USP12: variants seen among roughly 807,000 people sequenced by gnomAD.
USP12 encodes the protein ubiquitin specific peptidase 12, also known as ubiquitin carboxyl-terminal hydrolase 12.
In USP12, 19 loss-of-function variants were observed where a neutral mutation model predicts 45.5. The ratio of observed to expected loss-of-function variants is 0.42; its 90% CI spans 0.29 to 0.61. The LOEUF (loss-of-function observed/expected upper bound fraction) is 0.61. Among genes scored for constraint, USP12 ranks in the 20% least tolerant of loss-of-function variants. The probability of loss-of-function intolerance (pLI) is 0.22; values close to 1 mark genes in which losing one functional copy is unlikely to be tolerated. For missense variants in USP12, 242 were observed against 447.7 expected (o/e 0.54, Z 4.15); for synonymous variants, 149 against 148.8 (o/e 1.00, Z -0.01).
chr13:27,106,626 C>T (rs924543334), intron 2 of USP12, among the ~76,000 whole-genome samples: 1 of 151,796 alleles, frequency 6.6e-6, no homozygotes, highest in Non-Finnish European at 1.5e-5. Context: ...CAAGTATATA[C>T]AGTATTAGGT....
intron 7 of USP12, among the ~76,000 whole-genome samples, chr13:27,072,679 C>T (rs571233387): frequency 2.4e-4 from 36 of 152,264 alleles, no homozygotes; most frequent in African/African-American, 8.4e-4. Context: ...AGACCTCATC[C>T]AGCAAGACAG....
chr13:27,127,789 C>A (rs1215328362), intron 1 of USP12, among the ~76,000 whole-genome samples: 1 of 152,130 alleles, frequency 6.6e-6, no homozygotes, highest in Non-Finnish European at 1.5e-5. Flanking sequence ...CAGAAAAAAT[C>A]CAATTCTATG....
chr13:27,101,619 A>G (rs1874864184), intron 3 of USP12, among the ~76,000 whole-genome samples: 1 of 152,152 alleles, frequency 6.6e-6, no homozygotes, highest in Admixed American at 6.5e-5. Flanking sequence ...ATGATTATAA[A>G]CTACTATAGT....
At chr13:27,117,329 A>G (rs934608486) in intron 1 of USP12, among the ~76,000 whole-genome samples, 5 of 152,226 alleles carry the variant, frequency 3.3e-5, no homozygotes, top group Non-Finnish European at 7.3e-5. Context: ...CTGTGAAACT[A>G]AATATAAATA....
At chr13:27,075,080 G>C in intron 7 of USP12, 111 bp downstream of exon 7, 1 of 947,480 alleles carries the variant, frequency 1.1e-6, no homozygotes, top group South Asian at 2.7e-5. Context: ...TATCTTGAGA[G>C]AATACAGAAT....
At chr13:27,171,436 G>A (rs1409829899) in intron 1 of USP12, among the ~76,000 whole-genome samples, 156 bp downstream of exon 1, 1 of 141,734 alleles carries the variant, frequency 7.1e-6, no homozygotes, top group Non-Finnish European at 1.5e-5. Context: ...CCTGCGCGCC[G>A]TCCAACCGCC....
intron 3 of USP12, among the ~76,000 whole-genome samples, chr13:27,102,639 T>G (rs751567783): frequency 1.3e-5 from 2 of 152,256 alleles, no homozygotes; most frequent in Admixed American, 6.5e-5. Context: ...TGTCTTCAAA[T>G]TTCTGATCTA....
intron 7 of USP12, among the ~76,000 whole-genome samples, chr13:27,072,893 A>T (rs4771069): frequency 0.26 from 40,084 of 152,134 alleles, 6,025 homozygotes; most frequent in Non-Finnish European, 0.34. Context: ...ATATGAAGCA[A>T]ATCTACAAAT....
At chr13:27,086,191 A>ATAT (rs1555233222) in intron 6 of USP12, among the ~76,000 whole-genome samples, 805 of 72,256 alleles carry the variant, frequency 0.011, 2 homozygotes, top group Non-Finnish European at 0.013. Context: ...AAAAAAAAAA[A>ATAT]AAAAAAATAT....
chr13:27,142,409 A>G (rs1212880353), intron 1 of USP12, among the ~76,000 whole-genome samples: 1 of 152,232 alleles, frequency 6.6e-6, no homozygotes, highest in Non-Finnish European at 1.5e-5. Context: ...CATTACTGAG[A>G]TAACTGATTA....
intron 3 of USP12, among the ~76,000 whole-genome samples, chr13:27,102,857 C>T (rs1874938247): frequency 6.6e-6 from 1 of 152,186 alleles, no homozygotes; most frequent in African/African-American, 2.4e-5. Flanking sequence ...TGGCACACAA[C>T]AGGAAATATA....
chr13:27,123,573 C>G (rs1876095938), intron 1 of USP12, among the ~76,000 whole-genome samples: 2 of 152,158 alleles, frequency 1.3e-5, no homozygotes, highest in Admixed American at 6.5e-5. Context: ...GGCAGAGACC[C>G]AGTAGGAGGT....
In USP12 at chr13:27,141,802, G is replaced by A. The variant is rs117337472; in HGVS notation, c.49-25206C>T. Among the ~76,000 whole-genome samples the A allele has an allele frequency of 1.4e-4, 21 of 152,232 alleles. No homozygotes were observed. In the East Asian group the frequency reaches 3.7e-3, roughly 27 times the overall value. On this transcript the variant is annotated intron_variant, in intron 1 of 8. Coordinates refer to ENST00000282344, the MANE Select transcript of USP12 (RefSeq NM_182488.4). ...AATTTGAAAATCTGAACTCCAAAAT[G>A]TTCCAAAATCTGACTTTTTGAGTGC...
intron 1 of USP12, among the ~76,000 whole-genome samples, chr13:27,148,691 TAATATA>T (rs1877425517): frequency 7.2e-6 from 1 of 138,274 alleles, no homozygotes; most frequent in South Asian, 2.4e-4. Context: ...TATATATATA[TAATATA>T]AATAATAATA....
chr13:27,154,775 G>C (rs1877738007), intron 1 of USP12, among the ~76,000 whole-genome samples: 1 of 152,182 alleles, frequency 6.6e-6, no homozygotes, highest in Non-Finnish European at 1.5e-5. Context: ...AAACGACCTT[G>C]AGAGAGTATC....
chr13:27,123,723 T>C (rs1565996592), intron 1 of USP12, among the ~76,000 whole-genome samples: 1 of 152,254 alleles, frequency 6.6e-6, no homozygotes, highest in Non-Finnish European at 1.5e-5. Flanking sequence ...CCTTTGCTGA[T>C]CTTCTGCATT....
At chr13:27,150,615 A>C (rs1470304545) in intron 1 of USP12, among the ~76,000 whole-genome samples, 5 of 152,222 alleles carry the variant, frequency 3.3e-5, no homozygotes, top group Non-Finnish European at 7.3e-5. Context: ...GGTCGGACCC[A>C]GTGGCTCACC....
At chr13:27,170,340 A>C in intron 1 of USP12, 1 of 398,598 alleles carries the variant, frequency 2.5e-6, no homozygotes, top group Non-Finnish European at 4.4e-6. Context: ...CTTAAAGAAA[A>C]ATATATACAA....
chr13:27,099,441 C>T (rs932201093), intron 3 of USP12, among the ~76,000 whole-genome samples: 1 of 152,074 alleles, frequency 6.6e-6, no homozygotes, highest in African/African-American at 2.4e-5. Flanking sequence ...CTGTCTATTG[C>T]ATATTCTTCA....
Sources: allele counts gnomAD v4.1 joint callset (sites outside exome capture counted in the v4.1 genomes callset), GRCh38; gene constraint gnomAD v4.1.1; transcripts MANE v1.5; gene names NCBI Gene and HGNC (gene_info 2026-07-23, HGNC 2026-07-21).